The following COL4A1 variants were observed in gnomAD, a reference collection of about 807,000 sequenced individuals.
The protein encoded by COL4A1 is collagen type IV alpha 1 chain.
In COL4A1, 40 loss-of-function variants were observed where a neutral mutation model predicts 216.6. The ratio of observed to expected loss-of-function variants is 0.18; its 90% CI spans 0.14 to 0.24. COL4A1 has a LOEUF of 0.24. Ranked by LOEUF, COL4A1 falls within the 10% of genes least tolerant of loss-of-function variation. The pLI, the probability that COL4A1 is intolerant of heterozygous loss-of-function variation, is 1.00. For synonymous variants in COL4A1, 839 were observed against 810.7 expected, an observed-to-expected ratio of 1.03 and a Z score of -0.59; for missense variants, 1,628 against 2,196.8, an observed-to-expected ratio of 0.74 and a Z score of 5.18.
At chr13:110,172,524 G>A (rs1183311117) in intron 41 of COL4A1, among the ~76,000 whole-genome samples, 196 bp downstream of exon 41, 3 of 152,182 alleles carry the variant, frequency 2.0e-5, no homozygotes, top group Non-Finnish European at 2.9e-5. Context: ...TGTACTGCAC[G>A]CCATTTTGAT....
chr13:110,179,748 A>C (rs916285005), intron 29 of COL4A1, among the ~76,000 whole-genome samples: 1 of 152,200 alleles, frequency 6.6e-6, no homozygotes, highest in Non-Finnish European at 1.5e-5. Context: ...CCTGTGACAA[A>C]GCACTGGCCC....
chr13:110,200,260 A>T (rs541979571), intron 20 of COL4A1, among the ~76,000 whole-genome samples: 8 of 152,364 alleles, frequency 5.3e-5, no homozygotes, highest in Admixed American at 2.0e-4. Context: ...ATCTGCGCAT[A>T]TGGACAGAGA....
intron 26 of COL4A1, among the ~76,000 whole-genome samples, chr13:110,186,021 T>C (rs931588312): frequency 2.6e-5 from 4 of 152,204 alleles, no homozygotes; most frequent in Admixed American, 6.5e-5. Context: ...CCACTCGGGA[T>C]GCACAGAAGC....
intron 1 of COL4A1, among the ~76,000 whole-genome samples, chr13:110,251,305 C>T (rs746772): frequency 1.3e-5 from 2 of 152,182 alleles, no homozygotes; most frequent in African/African-American, 4.8e-5. Flanking sequence ...GACTCCCAAG[C>T]CCAGCCCACG....
intron 1 of COL4A1, among the ~76,000 whole-genome samples, chr13:110,246,350 A>G (rs1310441903): frequency 6.6e-6 from 1 of 152,108 alleles, no homozygotes; most frequent in African/African-American, 2.4e-5. Context: ...CTAAAAAGAA[A>G]AAAAAAATAC....
chr13:110,171,909 G>A (rs546983553), intron 41 of COL4A1, among the ~76,000 whole-genome samples: 8 of 152,218 alleles, frequency 5.3e-5, no homozygotes, highest in Non-Finnish European at 1.0e-4. Flanking sequence ...CAGCCCACCC[G>A]GCACCAGGCC....
chr13:110,185,427 A>C (rs1878357135), intron 26 of COL4A1, among the ~76,000 whole-genome samples: 1 of 152,220 alleles, frequency 6.6e-6, no homozygotes, highest in Non-Finnish European at 1.5e-5. Context: ...TACAGGCGTG[A>C]GCCACCGCAC....
chr13:110,228,019 C>A (rs981175574), intron 2 of COL4A1, among the ~76,000 whole-genome samples: 1 of 152,134 alleles, frequency 6.6e-6, no homozygotes, highest in African/African-American at 2.4e-5. Flanking sequence ...CCCATTTGAA[C>A]GTCACCCTCG....
intron 51 of COL4A1, among the ~76,000 whole-genome samples, chr13:110,151,997 ACTT>A (rs1192529521): frequency 2.6e-5 from 4 of 152,208 alleles, no homozygotes; most frequent in East Asian, 1.9e-4. Flanking sequence ...AACGCTGCTC[ACTT>A]CTTCTCCCCG....
intron 2 of COL4A1, among the ~76,000 whole-genome samples, chr13:110,223,687 C>A (rs1266396263): frequency 6.6e-6 from 1 of 152,212 alleles, no homozygotes; most frequent in African/African-American, 2.4e-5. Flanking sequence ...GCCACCGAAG[C>A]TAGGTGTTGG....
intron 1 of COL4A1, 66 bp downstream of exon 1, chr13:110,306,878 A>G: frequency 7.2e-7 from 1 of 1,382,054 alleles, no homozygotes; most frequent in Non-Finnish European, 9.4e-7. Flanking sequence ...GGCGCGGACA[A>G]AGGGGCCTCT....
rs1435928912 is a variant in COL4A1, at chr13:110,219,858, ATATATGTGTGTG to A, written c.145-5855_145-5844del. On this transcript the variant is annotated intron_variant, in intron 2 of 51. Transcript: ENST00000375820. ...TATGTATATATGTGTATATATATGT[ATATATGTGTGTG>A]TATATATGTATATATATGTGTGTAT... 2.7e-3 allele frequency among the ~76,000 whole-genome samples: 236 copies of A among 88,420 alleles called. 8 individuals are homozygous for A. The highest frequency in any genetic ancestry group is 9.5e-3 in the African/African-American group (209 of 22,058). 58.0% of individuals were successfully genotyped at this position (88,420 alleles called of 152,430 possible).
chr13:110,152,462 G>A lies in COL4A1; in HGVS notation c.4800C>T (p.Ser1600=), dbSNP rs650724. Residue 1600 remains serine, a synonymous_variant, in exon 51 of 52, where the codon TCC becomes TCT. Transcript: ENST00000375820. The part of the protein sequence containing the change: ...GAEGSGQALA[S]PGSCLEEFRS... ...TAAACTCCTCCAGGCAGGAGCCGGG[G>A]GACGCCAGGGCTTGGCCAGAGCCTT... The A allele has an allele frequency of 0.1, 161,458 of 1,613,748 alleles. 9,606 individuals carry two copies. The highest frequency in any genetic ancestry group is 0.22 in the Admixed American group (12,976 of 59,962).
chr13:110,191,554 A>C, intron 24 of COL4A1: 1 of 607,840 alleles, frequency 1.6e-6, no homozygotes, highest in Non-Finnish European at 2.9e-6. Flanking sequence ...TTCTTTTAAA[A>C]CAAACTACAA....
intron 26 of COL4A1, among the ~76,000 whole-genome samples, chr13:110,184,904 A>G (rs1223440739): frequency 1.3e-5 from 2 of 152,036 alleles, no homozygotes; most frequent in East Asian, 3.9e-4. Flanking sequence ...TCCTGACCTC[A>G]GGTGATCTGC....
At chr13:110,277,212 C>G (rs1332023578) in intron 1 of COL4A1, among the ~76,000 whole-genome samples, 2 of 152,188 alleles carry the variant, frequency 1.3e-5, no homozygotes, top group Non-Finnish European at 2.9e-5. Flanking sequence ...CTCTCTTAAG[C>G]TATTTTTATT....
chr13:110,155,486 C>T, intron 49 of COL4A1, 89 bp from the exon 50 acceptor site: 1 of 810,390 alleles, frequency 1.2e-6, no homozygotes, highest in Non-Finnish European at 2.1e-6. Flanking sequence ...CACTCAACAT[C>T]CTCACTCAGT....
chr13:110,199,389 T>C (rs1055478437), intron 20 of COL4A1, among the ~76,000 whole-genome samples: 7 of 152,084 alleles, frequency 4.6e-5, no homozygotes, highest in African/African-American at 1.7e-4. Flanking sequence ...GGAAGAGCGC[T>C]GACCAAAGGG....
At chr13:110,292,095 G>GC (rs1383512006) in intron 1 of COL4A1, among the ~76,000 whole-genome samples, 2 of 152,190 alleles carry the variant, frequency 1.3e-5, no homozygotes, top group Non-Finnish European at 2.9e-5. Context: ...AGAAGTGCCT[G>GC]CATCCTGCCT....
Sources: allele counts gnomAD v4.1 joint callset (sites outside exome capture counted in the v4.1 genomes callset), GRCh38; gene constraint gnomAD v4.1.1; transcripts MANE v1.5; gene names NCBI Gene and HGNC (gene_info 2026-07-23, HGNC 2026-07-21).